Variants in ACOT7 observed in about 807,000 individuals in gnomAD.
ACOT7 encodes acyl-CoA thioesterase 7, also known as cytosolic acyl coenzyme A thioester hydrolase.
A neutral mutation model predicts 40.2 loss-of-function variants in ACOT7; 12 were observed. That is an observed-to-expected ratio of 0.30 (90% CI 0.19 to 0.48). The LOEUF (loss-of-function observed/expected upper bound fraction) is 0.48. ACOT7 is among the 20% of genes least tolerant of loss of function. The pLI is 0.99. For synonymous variants in ACOT7, 228 were observed against 219.5 expected, an observed-to-expected ratio of 1.04 and a Z score of -0.34; for missense variants, 395 against 530.8, an observed-to-expected ratio of 0.74 and a Z score of 2.51.
At chr1:6,349,624 C>T in intron 2 of ACOT7, 125 bp downstream of exon 2, 2 of 937,010 alleles carry the variant, frequency 2.1e-6, no homozygotes, top group South Asian at 3.1e-5. Context: ...ACTTCTCCCA[C>T]AGTTCCCAAG....
intron 6 of ACOT7, among the ~76,000 whole-genome samples, chr1:6,300,066 G>A (rs1024169368): frequency 6.6e-6 from 1 of 152,244 alleles, no homozygotes; most frequent in Non-Finnish European, 1.5e-5. Flanking sequence ...AGGACCGTGT[G>A]TGCTGGGGAG....
Position 6,360,980 on chromosome 1 carries a change from T to G in ACOT7, c.144-11114A>C, listed in dbSNP as rs554266076. 1.3e-3 allele frequency among the ~76,000 whole-genome samples: 196 copies of G among 152,340 alleles called. 2 individuals are homozygous for G. Among genetic ancestry groups the G allele is most frequent in the African/African-American group, 4.6e-3 (190 of 41,580 alleles). Reference sequence around the variant, plus strand: ...AAAGTTAAACAACTACAAGGTGCTATTTCCCATCTAGTAAATTAAAAATCA... The same window carrying G: ...AAAGTTAAACAACTACAAGGTGCTAGTTCCCATCTAGTAAATTAAAAATCA... On this transcript the variant is annotated intron_variant, in intron 1 of 8. Coordinates refer to ENST00000361521, the MANE Select transcript of ACOT7 (RefSeq NM_007274.4).
chr1:6,393,223 G>A, intron 1 of ACOT7, 34 bp downstream of exon 1: 2 of 1,263,806 alleles, frequency 1.6e-6, no homozygotes, highest in Non-Finnish European at 2.0e-6. Flanking sequence ...CGGCGCGCCT[G>A]GCCGCTGCAG....
intron 3 of ACOT7, among the ~76,000 whole-genome samples, chr1:6,335,112 C>A (rs1641062680): frequency 6.6e-6 from 1 of 152,060 alleles, no homozygotes; most frequent in Non-Finnish European, 1.5e-5. Flanking sequence ...AGGCGGATCA[C>A]CTGAGGTCAG....
intron 1 of ACOT7, chr1:6,360,582 T>A (rs748435400): frequency 6.2e-7 from 1 of 1,614,112 alleles, no homozygotes; most frequent in Admixed American, 1.7e-5. Context: ...TTTGGCCTTC[T>A]CCCCAAAACA....
rs59952827 is a variant in ACOT7, at chr1:6,276,990, AC to A, written c.1014+4111del. The stretch of plus-strand genomic sequence containing the variant: ...CTGGCCCTCCTCCTGCACTCTGACC[AC>A]CCCCCCCCAGGGTATGGAGTTCTGG... On this transcript the variant is annotated intron_variant, in intron 8 of 8. Coordinates refer to ENST00000361521, the MANE Select transcript of ACOT7 (RefSeq NM_007274.4). 5.9e-3 allele frequency among the ~76,000 whole-genome samples: 800 copies of A among 136,098 alleles called. 7 individuals are homozygous for A. The highest frequency in any genetic ancestry group is 0.02 in the African/African-American group (763 of 37,278). The allele number at this position is 136,098 out of a possible 152,430, so 89.3% of individuals were successfully genotyped here. A position where few individuals can be genotyped will look rare whatever the true frequency, so the allele number is the denominator to read the frequency against.
chr1:6,328,129 C>T (rs1183155755), intron 4 of ACOT7, among the ~76,000 whole-genome samples: 1 of 152,126 alleles, frequency 6.6e-6, no homozygotes, highest in East Asian at 1.9e-4. Context: ...TCATTTTGCA[C>T]TGTCCCATTG....
intron 2 of ACOT7, among the ~76,000 whole-genome samples, chr1:6,347,121 G>T (rs956578423): frequency 6.7e-6 from 1 of 150,186 alleles, no homozygotes; most frequent in African/African-American, 2.5e-5. Context: ...TGGATGCGGG[G>T]GTCCCCTGCC....
chr1:6,357,025 G>A (rs1362432938), intron 1 of ACOT7, among the ~76,000 whole-genome samples: 2 of 152,042 alleles, frequency 1.3e-5, no homozygotes, highest in African/African-American at 2.4e-5. Context: ...ATCACCTGAG[G>A]TCAGGAGTTT....
At chr1:6,332,887 G>A (rs1435481211) in intron 4 of ACOT7, among the ~76,000 whole-genome samples, 2 of 152,054 alleles carry the variant, frequency 1.3e-5, no homozygotes, top group Admixed American at 6.6e-5. Context: ...CAACCACAGC[G>A]AAGCCAGAAA....
rs369534856 is a variant in ACOT7 at position 6,269,048 on chromosome 1, G to T, written c.1015-4353C>A. Among the ~76,000 whole-genome samples the T allele has an allele frequency of 7.2e-4, 109 of 152,302 alleles. 2 individuals are homozygous for T. The South Asian group carries it at 0.022, about 31-fold the overall frequency. The stretch of plus-strand genomic sequence containing the variant: ...TCCCTGCGCAACCCATGCTTAGGGC[G>T]CGGCAGGCTGTGCACATCAGGGTCT... On this transcript the variant is annotated intron_variant, in intron 8 of 8. Coordinates refer to ENST00000361521, the MANE Select transcript of ACOT7 (RefSeq NM_007274.4).
chr1:6,362,262 C>T (rs113783438), intron 1 of ACOT7, among the ~76,000 whole-genome samples: 12,103 of 152,080 alleles, frequency 0.08, 536 homozygotes, highest in Non-Finnish European at 0.097. Flanking sequence ...AAAACTCTGT[C>T]TCTACTAAAA....
At chr1:6,363,042 TTA>T (rs1469517023) in intron 1 of ACOT7, among the ~76,000 whole-genome samples, 1 of 152,238 alleles carries the variant, frequency 6.6e-6, no homozygotes, top group Non-Finnish European at 1.5e-5. Flanking sequence ...ATAGACGTGA[TTA>T]TATATGAATA....
chr1:6,290,653 C>A (rs72854327), intron 7 of ACOT7, among the ~76,000 whole-genome samples: 2 of 152,186 alleles, frequency 1.3e-5, no homozygotes, highest in East Asian at 1.9e-4. Context: ...TCGGTCTATG[C>A]GACTATTTCT....
intron 6 of ACOT7, among the ~76,000 whole-genome samples, chr1:6,305,110 C>T (rs1355660595): frequency 2.0e-5 from 3 of 148,872 alleles, no homozygotes; most frequent in African/African-American, 7.5e-5. Context: ...GGGCGGCTGG[C>T]CGGGCAGAGG....
At chr1:6,388,966 G>A (rs1483088981) in intron 1 of ACOT7, among the ~76,000 whole-genome samples, 6 of 151,518 alleles carry the variant, frequency 4.0e-5, no homozygotes, top group African/African-American at 7.3e-5. Context: ...GCGTGAACCC[G>A]GGAGGCGGAG....
In ACOT7 at chr1:6,284,926, A is replaced by C. The variant is rs76139661; in HGVS notation, c.830-3640T>G. ...GGTTCATCTTCTGAACCTCGGCTCA[A>C]GCATCCCTTCTCCAGAGAGCTGCCC... On this transcript the variant is annotated intron_variant, in intron 7 of 8. Transcript: ENST00000361521. 3.9e-5 allele frequency among the ~76,000 whole-genome samples: 6 copies of C among 152,294 alleles called. No individual in the cohort carries two copies. The East Asian group carries it at 1.2e-3, about 29-fold the overall frequency.
rs572124995 is a variant in ACOT7 at position 6,299,966 on chromosome 1, G to A, written c.713-4986C>T. Among the ~76,000 whole-genome samples, 3 of 152,280 alleles carry A rather than the reference G, an allele frequency of 2.0e-5. No individual in the cohort carries two copies. The East Asian group carries it at 5.8e-4, about 29-fold the overall frequency. The stretch of plus-strand genomic sequence containing the variant: ...GGACCAGCTGCATTTGCCATGAAAC[G>A]CTGACCATTTATATTCAGAAAATGG... On this transcript the variant is annotated intron_variant, in intron 6 of 8. Transcript: ENST00000361521. The surrounding 1 kb of genome is among the most constrained non-coding windows in gnomAD (Gnocchi z 4.1).
chr1:6,357,960 G>A (rs530928101), intron 1 of ACOT7, among the ~76,000 whole-genome samples: 4 of 151,350 alleles, frequency 2.6e-5, no homozygotes, highest in South Asian at 4.2e-4. Flanking sequence ...TCCACCTCCC[G>A]GGTTCAAGTG....
Sources: gnomAD v4.1 joint callset for allele counts (sites outside exome capture counted in the v4.1 genomes callset) on GRCh38, gnomAD v4.1.1 for gene constraint, Gnocchi (gnomAD v3.1) non-coding constraint, MANE v1.5 for transcripts, NCBI Gene and HGNC (gene_info 2026-07-23, HGNC 2026-07-21) for gene names.